EPHA3: variants seen among roughly 807,000 people sequenced by gnomAD.
The protein encoded by EPHA3 is EPH receptor A3, also known as ephrin type-A receptor 3.
In EPHA3, 42 loss-of-function variants were observed where a neutral mutation model predicts 107.1. The ratio of observed to expected loss-of-function variants is 0.39; its 90% CI spans 0.31 to 0.51. EPHA3 has a LOEUF of 0.51. Among genes scored for constraint, EPHA3 ranks in the 20% least tolerant of loss-of-function variants. The probability of loss-of-function intolerance (pLI) is 0.78; values close to 1 mark genes in which losing one functional copy is unlikely to be tolerated. For missense variants in EPHA3, 1,183 were observed against 1,211.2 expected, an observed-to-expected ratio of 0.98 and a Z score of 0.35; for synonymous variants, 461 against 424.8, an observed-to-expected ratio of 1.09 and a Z score of -1.05.
intron 2 of EPHA3, among the ~76,000 whole-genome samples, chr3:89,200,383 G>C (rs1041247267): frequency 6.6e-6 from 1 of 152,174 alleles, no homozygotes; most frequent in Non-Finnish European, 1.5e-5. Context: ...GATATTCACT[G>C]TGTGCATTCA....
intron 3 of EPHA3, among the ~76,000 whole-genome samples, chr3:89,211,731 CTTCTTCTTCTCCTTCT>C (rs1704096040): frequency 1.9e-4 from 2 of 10,322 alleles, no homozygotes; most frequent in South Asian, 0.011. Context: ...TCTTTTTCTT[CTTCTTCTTCTCCTTCT>C]TCTTCTTCTT....
intron 3 of EPHA3, among the ~76,000 whole-genome samples, chr3:89,214,340 A>G (rs1038090274): frequency 2.6e-5 from 4 of 152,004 alleles, no homozygotes; most frequent in African/African-American, 9.7e-5. Context: ...AGCACTAGAC[A>G]CAAGGTATTT....
intron 3 of EPHA3, among the ~76,000 whole-genome samples, chr3:89,312,728 C>G (rs1394316827): frequency 6.6e-6 from 1 of 151,902 alleles, no homozygotes; most frequent in African/African-American, 2.4e-5. Context: ...GATGCCCTCC[C>G]TCCTCCCACC....
intron 3 of EPHA3, among the ~76,000 whole-genome samples, chr3:89,310,440 G>C (rs1361710318): frequency 6.6e-6 from 1 of 151,798 alleles, no homozygotes; most frequent in Non-Finnish European, 1.5e-5. Flanking sequence ...TGATAAGTAG[G>C]TTAACTGAAA....
intron 5 of EPHA3, among the ~76,000 whole-genome samples, chr3:89,345,713 C>A (rs1462470381): frequency 2.1e-5 from 3 of 145,366 alleles, no homozygotes; most frequent in Admixed American, 1.4e-4. Flanking sequence ...TGCGCTGCAC[C>A]CACTAACTCG....
intron 9 of EPHA3, among the ~76,000 whole-genome samples, chr3:89,409,083 C>T (rs555004468): frequency 1.3e-5 from 2 of 152,060 alleles, no homozygotes; most frequent in East Asian, 3.9e-4. Flanking sequence ...GAAAATAATG[C>T]CTTTCAAAAT....
intron 3 of EPHA3, among the ~76,000 whole-genome samples, chr3:89,331,579 G>A (rs924542538): frequency 2.0e-5 from 3 of 151,468 alleles, no homozygotes; most frequent in Non-Finnish European, 2.9e-5. Flanking sequence ...TAGGACCTAA[G>A]TGTTCTTCCT....
chr3:89,339,774 A>C (rs1327387209), intron 3 of EPHA3, among the ~76,000 whole-genome samples: 1 of 152,194 alleles, frequency 6.6e-6, no homozygotes, highest in African/African-American at 2.4e-5. Flanking sequence ...GAATGTAATG[A>C]CCATCTATAG....
intron 3 of EPHA3, among the ~76,000 whole-genome samples, chr3:89,300,388 C>T (rs368189030): frequency 4.0e-5 from 6 of 151,668 alleles, no homozygotes; most frequent in African/African-American, 9.7e-5. Flanking sequence ...AACTTATATA[C>T]GTAAAGTTTG....
intron 13 of EPHA3, among the ~76,000 whole-genome samples, chr3:89,442,093 A>G (rs1709797174): frequency 6.6e-6 from 1 of 152,186 alleles, no homozygotes; most frequent in South Asian, 2.1e-4. Flanking sequence ...TATAAAGTTA[A>G]TTTAAGTTTT....
At position 89,234,781 on chromosome 3, in the gene EPHA3, T is replaced by C. The variant is rs552200532; in HGVS notation, c.814+24261T>C. 7.9e-4 allele frequency among the ~76,000 whole-genome samples: 101 copies of C among 128,282 alleles called. 1 individual carries two copies. The highest frequency in any genetic ancestry group is 2.6e-3 in the African/African-American group (92 of 35,032). 84.2% of individuals were successfully genotyped at this position (128,282 alleles called of 152,430 possible). ...CTCCCTTCCTTCCTCCCTCTCTCCC[T>C]CCCTCCCTCCTTCCTTCCTTCCCTC... On this transcript the variant is annotated intron_variant, in intron 3 of 16. Transcript: ENST00000336596.
At chr3:89,269,385 C>T (rs947946478) in intron 3 of EPHA3, among the ~76,000 whole-genome samples, 15 of 152,126 alleles carry the variant, frequency 9.9e-5, no homozygotes, top group African/African-American at 3.4e-4. Flanking sequence ...TTGGTTCCTA[C>T]CCCAGACTGA....
intron 2 of EPHA3, among the ~76,000 whole-genome samples, chr3:89,175,917 TG>T (rs1162130978): frequency 2.0e-5 from 3 of 152,266 alleles, no homozygotes; most frequent in Non-Finnish European, 4.4e-5. Flanking sequence ...TTGTTATTGT[TG>T]TTTTTTTACA....
chr3:89,274,538 A>G (rs1705758662), intron 3 of EPHA3, among the ~76,000 whole-genome samples: 1 of 151,984 alleles, frequency 6.6e-6, no homozygotes, highest in African/African-American at 2.4e-5. Flanking sequence ...AAGGAATAAT[A>G]CCCTCATCTG....
At chr3:89,447,764 C>T (rs1454388767) in intron 13 of EPHA3, among the ~76,000 whole-genome samples, 1 of 151,966 alleles carries the variant, frequency 6.6e-6, no homozygotes, top group East Asian at 1.9e-4. Flanking sequence ...TCGTTTAGTC[C>T]CACATAAATA....
At chr3:89,478,080 G>A (rs1256160906) in intron 16 of EPHA3, among the ~76,000 whole-genome samples, 1 of 152,200 alleles carries the variant, frequency 6.6e-6, no homozygotes, top group South Asian at 2.1e-4. Context: ...TGAAAGACAG[G>A]AATATATGAA....
At chr3:89,200,476 T>G (rs376850768) in intron 2 of EPHA3, among the ~76,000 whole-genome samples, 1 of 152,302 alleles carries the variant, frequency 6.6e-6, no homozygotes, top group Non-Finnish European at 1.5e-5. Context: ...TTAAGAAGTC[T>G]TGCCTGGGTC....
chr3:89,307,180 T>C (rs78361747), intron 3 of EPHA3, among the ~76,000 whole-genome samples: 2,432 of 152,222 alleles, frequency 0.016, 26 homozygotes, highest in Non-Finnish European at 0.025. Flanking sequence ...AAATAAAATC[T>C]AGCATAACCA....
chr3:89,294,357 C>T (rs1241671845), intron 3 of EPHA3, among the ~76,000 whole-genome samples: 1 of 152,114 alleles, frequency 6.6e-6, no homozygotes, highest in East Asian at 1.9e-4. Flanking sequence ...TTCAAATATT[C>T]TCCCCCAATA....
Sources: gnomAD v4.1 joint callset for allele counts (sites outside exome capture counted in the v4.1 genomes callset) on GRCh38, gnomAD v4.1.1 for gene constraint, MANE v1.5 for transcripts, NCBI Gene and HGNC (gene_info 2026-07-23, HGNC 2026-07-21) for gene names.